Variants in GPC6 observed in about 807,000 individuals in gnomAD.
GPC6 encodes the protein glypican 6.
Under a neutral mutation model 55.2 loss-of-function variants are expected in GPC6, and 14 were observed. The ratio of observed to expected loss-of-function variants is 0.25; its 90% CI spans 0.17 to 0.40. The LOEUF is 0.40. Ranked by LOEUF, GPC6 falls within the 10% of genes least tolerant of loss-of-function variation. The pLI is 1.00. For missense variants in GPC6, 641 were observed against 708.5 expected (o/e 0.90, Z 1.08); for synonymous variants, 278 against 259.6 (o/e 1.07, Z -0.68).
At chr13:94,172,559 T>C (rs1000043069) in intron 4 of GPC6, among the ~76,000 whole-genome samples, 1 of 152,220 alleles carries the variant, frequency 6.6e-6, no homozygotes, top group African/African-American at 2.4e-5. Flanking sequence ...AACTCAGCCA[T>C]ACTTATTCAT....
At chr13:93,864,630 G>A (rs1888907114) in intron 3 of GPC6, among the ~76,000 whole-genome samples, 1 of 151,704 alleles carries the variant, frequency 6.6e-6, no homozygotes. Flanking sequence ...CTCTGTGCCA[G>A]GTATTTGTTA....
At chr13:93,305,157 CCAA>C (rs944653782) in intron 1 of GPC6, among the ~76,000 whole-genome samples, 9 of 152,164 alleles carry the variant, frequency 5.9e-5, no homozygotes, top group African/African-American at 2.2e-4. Flanking sequence ...AAACAAGCAA[CCAA>C]CAAGTATAAA....
chr13:93,273,168 C>G (rs143849060), intron 1 of GPC6, among the ~76,000 whole-genome samples: 1 of 152,232 alleles, frequency 6.6e-6, no homozygotes. Context: ...TCTCTGACAT[C>G]TAGGAATATG....
intron 1 of GPC6, among the ~76,000 whole-genome samples, chr13:93,409,281 A>G (rs1006640162): frequency 2.0e-5 from 3 of 152,086 alleles, no homozygotes; most frequent in African/African-American, 7.2e-5. Flanking sequence ...GGACAAAAGT[A>G]TATAACATTC....
chr13:94,244,035 A>C (rs1891128589), intron 4 of GPC6, among the ~76,000 whole-genome samples: 2 of 152,174 alleles, frequency 1.3e-5, no homozygotes, highest in South Asian at 4.1e-4. Flanking sequence ...TTGTCCTCTC[A>C]AAAAAGGAAA....
intron 2 of GPC6, among the ~76,000 whole-genome samples, chr13:93,806,085 A>T (rs949863920): frequency 6.6e-6 from 1 of 152,188 alleles, no homozygotes; most frequent in African/African-American, 2.4e-5. Context: ...GTATTAAATC[A>T]GCTACACATA....
At chr13:93,258,581 G>T (rs867636879) in intron 1 of GPC6, among the ~76,000 whole-genome samples, 1 of 152,024 alleles carries the variant, frequency 6.6e-6, no homozygotes, top group Non-Finnish European at 1.5e-5. Context: ...AGTTTCTGTG[G>T]CATGTAACTA....
chr13:93,591,685 T>G (rs1269546065), intron 2 of GPC6, among the ~76,000 whole-genome samples: 2 of 152,158 alleles, frequency 1.3e-5, no homozygotes, highest in African/African-American at 4.8e-5. Context: ...GTACTGTATG[T>G]AATACAACAT....
intron 3 of GPC6, among the ~76,000 whole-genome samples, chr13:93,935,085 A>G (rs1298686716): frequency 6.6e-6 from 1 of 152,148 alleles, no homozygotes. Context: ...TACGGCCTCT[A>G]TGAACACTTG....
At chr13:94,153,438 G>A (rs1887815951) in intron 4 of GPC6, among the ~76,000 whole-genome samples, 1 of 151,994 alleles carries the variant, frequency 6.6e-6, no homozygotes, top group South Asian at 2.1e-4. Context: ...ATGATAAATA[G>A]CAGCAAGTCT....
chr13:93,746,905 A>G (rs1039162604), intron 2 of GPC6, among the ~76,000 whole-genome samples: 43 of 152,366 alleles, frequency 2.8e-4, no homozygotes, highest in African/African-American at 1.0e-3. Context: ...TCCCTGAACC[A>G]TGGAAAGAAG....
chr13:93,632,613 A>ATATGTGTGTG, intron 2 of GPC6, among the ~76,000 whole-genome samples: 1 of 121,648 alleles, frequency 8.2e-6, no homozygotes, highest in East Asian at 2.1e-4. Context: ...GTGTGTATAT[A>ATATGTGTGTG]TATGTATATA....
chr13:94,127,223 GA>G (rs927839436), intron 4 of GPC6, among the ~76,000 whole-genome samples: 3 of 152,016 alleles, frequency 2.0e-5, no homozygotes, highest in African/African-American at 7.2e-5. Flanking sequence ...ATAGAGTTTG[GA>G]TATTTGTCCC....
chr13:93,222,140 C>G (rs1301938699), upstream of GPC6, among the ~76,000 whole-genome samples: 1 of 152,048 alleles, frequency 6.6e-6, no homozygotes, highest in African/African-American at 2.4e-5. Context: ...AGGGTAAGAC[C>G]TTTTTATTTT....
At chr13:93,957,245 ATTG>A (rs1249513464) in intron 3 of GPC6, among the ~76,000 whole-genome samples, 1 of 152,104 alleles carries the variant, frequency 6.6e-6, no homozygotes, top group African/African-American at 2.4e-5. Context: ...TGATGCTTTT[ATTG>A]TTATTTTTAA....
chr13:93,357,676 C>CA (rs35764605), intron 1 of GPC6, among the ~76,000 whole-genome samples: 2,385 of 148,602 alleles, frequency 0.016, 51 homozygotes, highest in African/African-American at 0.052. Context: ...CCCATCTTTA[C>CA]AAAAAAAAAA....
intron 6 of GPC6, among the ~76,000 whole-genome samples, chr13:94,345,087 G>A (rs989197292): frequency 1.3e-5 from 2 of 151,978 alleles, no homozygotes; most frequent in African/African-American, 4.8e-5. Flanking sequence ...TCTATTAACT[G>A]GTCTATATTT....
intron 1 of GPC6, among the ~76,000 whole-genome samples, chr13:93,470,527 G>A (rs2590548): frequency 6.6e-6 from 1 of 151,900 alleles, no homozygotes; most frequent in African/African-American, 2.4e-5. Context: ...TGCAAATATG[G>A]TTTTGAGGAT....
intron 1 of GPC6, among the ~76,000 whole-genome samples, chr13:93,284,517 T>C (rs564147455): frequency 6.6e-6 from 1 of 152,320 alleles, no homozygotes; most frequent in East Asian, 1.9e-4. Context: ...TGCAGTATTG[T>C]CAGTAATAGG....
Sources: allele counts gnomAD v4.1 joint callset (sites outside exome capture counted in the v4.1 genomes callset), GRCh38; gene constraint gnomAD v4.1.1; transcripts MANE v1.5; gene names NCBI Gene and HGNC (gene_info 2026-07-23, HGNC 2026-07-21).